CSMD1: variants seen among roughly 807,000 people sequenced by gnomAD.
The protein encoded by CSMD1 is CUB and Sushi multiple domains 1.
In CSMD1, 213 loss-of-function variants were observed where a neutral mutation model predicts 417.5. The observed-to-expected ratio is 0.51, with a 90% confidence interval of 0.46 to 0.57. The LOEUF (loss-of-function observed/expected upper bound fraction) is 0.57, where lower values mean the gene tolerates loss of function less well. Ranked by LOEUF, CSMD1 falls within the 20% of genes least tolerant of loss-of-function variation. The pLI is 0.00. For missense variants in CSMD1, 6,923 were observed against 4,529.7 expected, an observed-to-expected ratio of 1.53 and a Z score of -15.17; for synonymous variants, 2,862 against 1,736.8, an observed-to-expected ratio of 1.65 and a Z score of -16.11.
chr8:3,277,320 G>T (rs565403189), intron 26 of CSMD1, among the ~76,000 whole-genome samples: 1 of 152,138 alleles, frequency 6.6e-6, no homozygotes, highest in East Asian at 1.9e-4. Flanking sequence ...ACGTTGCTGC[G>T]GAAAAGGTTC....
chr8:4,805,445 G>A (rs980512566), intron 1 of CSMD1, among the ~76,000 whole-genome samples: 3 of 152,100 alleles, frequency 2.0e-5, no homozygotes, highest in Non-Finnish European at 4.4e-5. Context: ...ACAGCCAGGA[G>A]GCTCAGTGGG....
At chr8:3,792,463 C>T (rs1799806278) in intron 5 of CSMD1, among the ~76,000 whole-genome samples, 1 of 152,124 alleles carries the variant, frequency 6.6e-6, no homozygotes, top group Non-Finnish European at 1.5e-5. Flanking sequence ...GGACGGAGAG[C>T]TTACTTTTTG....
intron 1 of CSMD1, among the ~76,000 whole-genome samples, chr8:4,735,580 A>G (rs1810177890): frequency 6.6e-6 from 1 of 152,166 alleles, no homozygotes; most frequent in Non-Finnish European, 1.5e-5. Flanking sequence ...CAGCTAAGAA[A>G]AGAAGTGAAA....
intron 3 of CSMD1, among the ~76,000 whole-genome samples, chr8:4,073,146 T>C (rs918198232): frequency 3.8e-4 from 58 of 152,182 alleles, no homozygotes; most frequent in Admixed American, 1.3e-4. Flanking sequence ...ATGAAAACTT[T>C]TGTGATTTCA....
chr8:3,967,721 A>G (rs1407456866), intron 5 of CSMD1, among the ~76,000 whole-genome samples: 1 of 152,170 alleles, frequency 6.6e-6, no homozygotes, highest in African/African-American at 2.4e-5. Flanking sequence ...TGGGCAAGAG[A>G]TGAGTCCAAC....
chr8:4,171,720 C>T (rs989966236), intron 3 of CSMD1, among the ~76,000 whole-genome samples: 32 of 149,424 alleles, frequency 2.1e-4, no homozygotes, highest in Admixed American at 2.1e-3. Context: ...ATTTATGTGC[C>T]AAGCTTCTGA....
intron 7 of CSMD1, among the ~76,000 whole-genome samples, chr8:3,624,520 A>T (rs578230909): frequency 1.3e-5 from 2 of 152,226 alleles, no homozygotes; most frequent in African/African-American, 4.8e-5. Context: ...TTGTTTCTTC[A>T]AAGATGTACA....
chr8:4,398,265 G>C (rs540605851), intron 3 of CSMD1, among the ~76,000 whole-genome samples: 9 of 152,018 alleles, frequency 5.9e-5, no homozygotes, highest in South Asian at 2.1e-4. Context: ...ATTGTGGTGT[G>C]GTTATTTCTA....
At chr8:3,554,641 A>C (rs536595178) in intron 10 of CSMD1, among the ~76,000 whole-genome samples, 1 of 152,362 alleles carries the variant, frequency 6.6e-6, no homozygotes, top group East Asian at 1.9e-4. Context: ...GAAATAGCCC[A>C]TGAATGGCAG....
At chr8:4,786,389 GGTCAA>G (rs1335739798) in intron 1 of CSMD1, among the ~76,000 whole-genome samples, 1 of 152,100 alleles carries the variant, frequency 6.6e-6, no homozygotes, top group Non-Finnish European at 1.5e-5. Flanking sequence ...AACATGCATC[GGTCAA>G]GTAAATGAAT....
At chr8:2,990,266 T>C (rs998663503) in intron 54 of CSMD1, among the ~76,000 whole-genome samples, 2 of 152,226 alleles carry the variant, frequency 1.3e-5, no homozygotes, top group African/African-American at 4.8e-5. Context: ...GTCCTCATAG[T>C]TTCTTGTAGA....
Position 2,937,340 on chromosome 8 carries a change from G to C in CSMD1, c.*1245C>G, listed in dbSNP as rs1046889262. The C allele has an allele frequency of 2.0e-5, 3 of 151,466 alleles. No homozygotes were observed. Among genetic ancestry groups the C allele is most frequent in the South Asian group, 2.1e-4 (1 of 4,782 alleles). 9.4% of individuals were successfully genotyped at this position (151,466 alleles called of 1,614,324 possible). A position where few individuals can be genotyped will look rare whatever the true frequency, so the allele number is the denominator to read the frequency against. On this transcript the variant is annotated 3_prime_UTR_variant, in exon 70 of 70. Coordinates refer to ENST00000635120, the MANE Select transcript of CSMD1 (RefSeq NM_033225.6). The stretch of plus-strand genomic sequence containing the variant: ...TTTCCTTCCCTCTAAAAGAACACTT[G>C]GTATTTTGATCCTGAACAATTTTCA...
chr8:3,596,902 G>T (rs943107140), intron 8 of CSMD1, among the ~76,000 whole-genome samples: 1 of 152,148 alleles, frequency 6.6e-6, no homozygotes, highest in African/African-American at 2.4e-5. Flanking sequence ...CACAATGCAA[G>T]CGCTCAGCAA....
At chr8:4,297,828 G>C (rs149092002) in intron 3 of CSMD1, among the ~76,000 whole-genome samples, 2 of 152,086 alleles carry the variant, frequency 1.3e-5, no homozygotes, top group Admixed American at 6.6e-5. Flanking sequence ...TTTGATTTCT[G>C]AATATGCCAT....
chr8:4,150,062 G>T (rs772032474), intron 3 of CSMD1, among the ~76,000 whole-genome samples: 1 of 152,206 alleles, frequency 6.6e-6, no homozygotes, highest in Non-Finnish European at 1.5e-5. Flanking sequence ...TGTGGGTGAA[G>T]AAGTTAATGT....
intron 1 of CSMD1, among the ~76,000 whole-genome samples, chr8:4,923,475 A>G (rs1806637170): frequency 6.6e-6 from 1 of 152,200 alleles, no homozygotes; most frequent in African/African-American, 2.4e-5. Flanking sequence ...TGCCTGTGTC[A>G]AAACATCTTA....
intron 2 of CSMD1, among the ~76,000 whole-genome samples, chr8:4,604,139 A>C (rs1800743159): frequency 6.6e-6 from 1 of 152,120 alleles, no homozygotes; most frequent in South Asian, 2.1e-4. Flanking sequence ...CTGTATTCCA[A>C]ATCTGGTTTT....
chr8:4,227,045 C>G (rs905983551), intron 3 of CSMD1, among the ~76,000 whole-genome samples: 1 of 152,072 alleles, frequency 6.6e-6, no homozygotes, highest in Non-Finnish European at 1.5e-5. Context: ...TGTATCAACT[C>G]TAAGACTGAA....
chr8:3,319,000 A>C (rs1805969379), intron 23 of CSMD1, among the ~76,000 whole-genome samples: 1 of 152,196 alleles, frequency 6.6e-6, no homozygotes, highest in Non-Finnish European at 1.5e-5. Context: ...AAACACAACA[A>C]CACAGATTCA....
Sources: gnomAD v4.1 joint callset for allele counts (sites outside exome capture counted in the v4.1 genomes callset) on GRCh38, gnomAD v4.1.1 for gene constraint, MANE v1.5 for transcripts, NCBI Gene and HGNC (gene_info 2026-07-23, HGNC 2026-07-21) for gene names.